OSTN: variants seen among roughly 807,000 people sequenced by gnomAD.
The protein encoded by OSTN is osteocrin.
In OSTN, 9 loss-of-function variants were observed where a neutral mutation model predicts 12.0. The ratio of observed to expected loss-of-function variants is 0.75; its 90% CI spans 0.45 to 1.30. OSTN has a LOEUF of 1.30. OSTN is among the 50% of genes most tolerant of loss of function. The pLI, the probability that OSTN is intolerant of heterozygous loss-of-function variation, is 0.00. For synonymous variants in OSTN, 59 were observed against 56.9 expected (o/e 1.04, Z -0.16); for missense variants, 148 against 152.3 (o/e 0.97, Z 0.15).
At chr3:191,218,693 A>C (rs9290979) in intron 2 of OSTN, 54 bp from the exon 3 acceptor site, 388,749 of 1,446,104 alleles carry the variant, frequency 0.27, 56,608 homozygotes, top group African/African-American at 0.5. Context: ...GCATATGTAC[A>C]TACTTGGAGT....
intron 2 of OSTN, among the ~76,000 whole-genome samples, chr3:191,212,867 C>CTTTTTTTTTTTTTTTTTTTT (rs397991965): frequency 3.2e-5 from 3 of 93,080 alleles, no homozygotes; most frequent in South Asian, 3.7e-4. Context: ...TCTTTTCTTT[C>CTTTTTTTTTTTTTTTTTTTT]TTTTTTTTTT....
rs1169886207 is a variant in OSTN at position 191,221,975 on chromosome 3, C to T, written c.317+3014C>T. 2.6e-5 allele frequency among the ~76,000 whole-genome samples: 4 copies of T among 152,242 alleles called. No homozygotes were observed. In the East Asian group the frequency reaches 7.7e-4, roughly 29 times the overall value. ...TTGGCTAAAAAGGGCCAAAGTATAA[C>T]TGGGGCCATGGTTTCAGAGGGTGCA... On this transcript the variant is annotated intron_variant, in intron 3 of 4. Coordinates refer to ENST00000682035, the MANE Select transcript of OSTN (RefSeq NM_198184.2).
intron 4 of OSTN, among the ~76,000 whole-genome samples, chr3:191,252,419 T>C (rs1415229089): frequency 6.6e-6 from 1 of 152,188 alleles, no homozygotes; most frequent in African/African-American, 2.4e-5. Flanking sequence ...TACCAAACTA[T>C]GAAGACAATT....
Position 191,262,945 on chromosome 3 carries a change from C to G in OSTN, c.*92C>G. ...TTATTCACACTTCTTAATGATTAAA[C>G]TTTTAAGGAACTGACCTTCTGCAAA... On this transcript the variant is annotated 3_prime_UTR_variant, in exon 5 of 5. Transcript: ENST00000682035. The G allele has an allele frequency of 1.4e-6, 1 of 698,826 alleles. No individual in the cohort carries two copies. Among genetic ancestry groups the G allele is most frequent in the Non-Finnish European group, 2.6e-6 (1 of 382,346 alleles). 43.3% of individuals were successfully genotyped at this position (698,826 alleles called of 1,614,324 possible).
At chr3:191,233,642 C>T (rs1021400234) in intron 3 of OSTN, among the ~76,000 whole-genome samples, 2 of 152,100 alleles carry the variant, frequency 1.3e-5, no homozygotes, top group Non-Finnish European at 2.9e-5. Flanking sequence ...TGAGCTACCA[C>T]GCCCTGACTT....
At chr3:191,246,614 A>AAAAG (rs576572980) in intron 3 of OSTN, among the ~76,000 whole-genome samples, 149 of 151,428 alleles carry the variant, frequency 9.8e-4, no homozygotes, top group South Asian at 4.6e-3. Context: ...CAAAAAAAAA[A>AAAAG]AAAGAAAGAA....
chr3:191,208,868 A>T (rs568135389), intron 1 of OSTN, among the ~76,000 whole-genome samples: 1 of 152,248 alleles, frequency 6.6e-6, no homozygotes, highest in Non-Finnish European at 1.5e-5. Context: ...TTTTAAAAAG[A>T]TATATCAGGC....
Position 191,232,331 on chromosome 3 carries a change from T to TAAAAAAAAAA in OSTN, c.317+13391_317+13400dup, listed in dbSNP as rs61313474. On this transcript the variant is annotated intron_variant, in intron 3 of 4. Coordinates refer to ENST00000682035, the MANE Select transcript of OSTN (RefSeq NM_198184.2). ...CTGGGTGACAGAGGGAGACTCTGTC[T>TAAAAAAAAAA]AAAAAAAAAAAAAAAAAAAAAAAAA... 9.0e-3 allele frequency among the ~76,000 whole-genome samples: 608 copies of TAAAAAAAAAA among 67,444 alleles called. 35 individuals carry two copies. Among genetic ancestry groups the TAAAAAAAAAA allele is most frequent in the African/African-American group, 0.049 (561 of 11,354 alleles). The allele number at this position is 67,444 out of a possible 152,430, so 44.2% of individuals were successfully genotyped here.
chr3:191,201,981 G>A (rs1220350140), intron 1 of OSTN, among the ~76,000 whole-genome samples: 1 of 152,096 alleles, frequency 6.6e-6, no homozygotes, highest in East Asian at 1.9e-4. Context: ...TTTTTCTGAA[G>A]GAGAAGTTAA....
chr3:191,249,921 A>C, intron 3 of OSTN, 116 bp from the exon 4 acceptor site: 1 of 717,028 alleles, frequency 1.4e-6, no homozygotes, highest in African/African-American at 1.8e-5. Flanking sequence ...AGTGGGAACT[A>C]TCATGTTTAT....
intron 2 of OSTN, among the ~76,000 whole-genome samples, chr3:191,218,299 C>G (rs940923958): frequency 2.6e-5 from 4 of 152,076 alleles, no homozygotes; most frequent in East Asian, 1.9e-4. Flanking sequence ...CCCCAAAGAT[C>G]TAGCACTCTC....
intron 2 of OSTN, among the ~76,000 whole-genome samples, 157 bp downstream of exon 2, chr3:191,212,791 A>G (rs898402298): frequency 4.1e-5 from 6 of 147,020 alleles, no homozygotes; most frequent in South Asian, 2.1e-4. Context: ...TATAGAATAT[A>G]TATTTTATAA....
intron 1 of OSTN, among the ~76,000 whole-genome samples, chr3:191,209,272 G>A (rs767912853): frequency 2.3e-4 from 35 of 152,268 alleles, no homozygotes; most frequent in Non-Finnish European, 4.1e-4. Flanking sequence ...AGCAAAATCA[G>A]GAGAAAAAGA....
chr3:191,230,500 G>C (rs1012255076), intron 3 of OSTN, among the ~76,000 whole-genome samples: 2 of 146,132 alleles, frequency 1.4e-5, no homozygotes, highest in Non-Finnish European at 3.0e-5. Flanking sequence ...GGAGGTGGAG[G>C]TTGCAGTGAG....
chr3:191,250,606 T>A (rs987313969), intron 4 of OSTN, among the ~76,000 whole-genome samples: 1 of 152,216 alleles, frequency 6.6e-6, no homozygotes, highest in African/African-American at 2.4e-5. Flanking sequence ...AGCCATGGAA[T>A]CAAAACACTT....
chr3:191,204,478 T>C (rs1714224360), intron 1 of OSTN, among the ~76,000 whole-genome samples: 1 of 152,224 alleles, frequency 6.6e-6, no homozygotes, highest in South Asian at 2.1e-4. Flanking sequence ...AAATCTCGAA[T>C]TTGAGTTTAT....
chr3:191,235,857 C>T (rs1715175943), intron 3 of OSTN, among the ~76,000 whole-genome samples: 5 of 152,172 alleles, frequency 3.3e-5, no homozygotes, highest in Admixed American at 3.3e-4. Context: ...GTTCTTGGTG[C>T]AGTCATCTCT....
intron 3 of OSTN, among the ~76,000 whole-genome samples, chr3:191,227,909 T>C (rs1714953347): frequency 6.6e-6 from 1 of 152,192 alleles, no homozygotes; most frequent in Non-Finnish European, 1.5e-5. Context: ...TAATTTTATT[T>C]AACACGTTCA....
intron 2 of OSTN, chr3:191,213,371 TCTC>T (rs1369784279): frequency 2.6e-5 from 4 of 152,136 alleles, no homozygotes; most frequent in African/African-American, 9.7e-5. Flanking sequence ...ATCACGATCT[TCTC>T]CTCACAGAGG....
Sources: gnomAD v4.1 joint callset for allele counts (sites outside exome capture counted in the v4.1 genomes callset) on GRCh38, gnomAD v4.1.1 for gene constraint, MANE v1.5 for transcripts, NCBI Gene and HGNC (gene_info 2026-07-23, HGNC 2026-07-21) for gene names.